The following IPCEF1 variants were observed in gnomAD, a reference collection of about 807,000 sequenced individuals.
IPCEF1 encodes the protein interaction protein for cytohesin exchange factors 1, also known as interactor protein for cytohesin exchange factors 1.
IPCEF1 carries 31 observed loss-of-function variants against 50.9 expected under a neutral mutation model. The ratio of observed to expected loss-of-function variants is 0.61; its 90% CI spans 0.46 to 0.82. The LOEUF (loss-of-function observed/expected upper bound fraction) is 0.82. Among genes scored for constraint, IPCEF1 ranks in the 40% least tolerant of loss-of-function variants. The pLI, the probability that IPCEF1 is intolerant of heterozygous loss-of-function variation, is 0.00. For synonymous variants in IPCEF1, 181 were observed against 192.0 expected, an observed-to-expected ratio of 0.94 and a Z score of 0.47; for missense variants, 458 against 514.0, an observed-to-expected ratio of 0.89 and a Z score of 1.05.
chr6:154,210,943 TTTAA>T (rs1777908817), intron 9 of IPCEF1, among the ~76,000 whole-genome samples: 1 of 152,202 alleles, frequency 6.6e-6, no homozygotes, highest in Non-Finnish European at 1.5e-5. Context: ...GAGGTCATTA[TTTAA>T]ATAATCAATA....
chr6:154,236,239 G>A (rs1203385516), intron 5 of IPCEF1, among the ~76,000 whole-genome samples: 1 of 152,228 alleles, frequency 6.6e-6, no homozygotes, highest in Non-Finnish European at 1.5e-5. Context: ...TCTGAGACCT[G>A]CTACCACATG....
chr6:154,320,680 G>A (rs1005321668), intron 1 of IPCEF1, among the ~76,000 whole-genome samples: 16 of 152,120 alleles, frequency 1.1e-4, no homozygotes, highest in African/African-American at 3.4e-4. Context: ...CCAATTGTGC[G>A]TGAATGAAGT....
chr6:154,188,095 T>C (rs1480121894), intron 10 of IPCEF1, among the ~76,000 whole-genome samples: 1 of 152,196 alleles, frequency 6.6e-6, no homozygotes, highest in East Asian at 1.9e-4. Flanking sequence ...TTTGTAGAAA[T>C]ATGATCATAT....
intron 6 of IPCEF1, 68 bp downstream of exon 6, chr6:154,223,102 C>A: frequency 8.3e-7 from 1 of 1,202,940 alleles, no homozygotes. Flanking sequence ...TCACCATATC[C>A]CTTGGTGAAC....
rs1402868949 is a variant in IPCEF1, at chr6:154,180,408, A to AT, written c.911-12296dup. ...CAACTATATATATATATATATATAT[A>AT]TATATATTTTTTTTTTAAACATGAT... On this transcript the variant is annotated intron_variant, in intron 10 of 11. Coordinates refer to ENST00000367220, the MANE Select transcript of IPCEF1 (RefSeq NM_001130700.2). 2.0e-3 allele frequency among the ~76,000 whole-genome samples: 79 copies of AT among 39,508 alleles called. 1 individual carries two copies. Among genetic ancestry groups the AT allele is most frequent in the South Asian group, 0.01 (13 of 1,240 alleles). The allele number at this position is 39,508 out of a possible 152,430, so 25.9% of individuals were successfully genotyped here. A position where few individuals can be genotyped will look rare whatever the true frequency, so the allele number is the denominator to read the frequency against.
At chr6:154,267,139 TA>T (rs1333919010) in intron 2 of IPCEF1, among the ~76,000 whole-genome samples, 3 of 18,462 alleles carry the variant, frequency 1.6e-4, no homozygotes, top group African/African-American at 3.7e-4. Context: ...ACTTATTTCT[TA>T]AAAAAAAATT....
rs534855665 is a variant in IPCEF1 at position 154,346,241 on chromosome 6, G to T, written c.-62+10431C>A. On this transcript the variant is annotated intron_variant, in intron 1 of 11. Transcript: ENST00000367220. ...AAAATGTTAACTATAATTATTTCAAGGTTATAGGATCATGAAAAGTATTTA... is the reference window on the plus strand; with the variant it reads ...AAAATGTTAACTATAATTATTTCAATGTTATAGGATCATGAAAAGTATTTA... Among the ~76,000 whole-genome samples the T allele has an allele frequency of 3.4e-5, 5 of 149,250 alleles. No homozygotes were observed. In the South Asian group the frequency reaches 1.0e-3, roughly 31 times the overall value.
At chr6:154,166,063 G>A (rs2128552241) in intron 11 of IPCEF1, among the ~76,000 whole-genome samples, 1 of 152,362 alleles carries the variant, frequency 6.6e-6, no homozygotes, top group Admixed American at 6.5e-5. Flanking sequence ...AGAGACCTGG[G>A]GGCAGAGGCA....
At chr6:154,229,101 C>G (rs1779499623) in intron 5 of IPCEF1, among the ~76,000 whole-genome samples, 1 of 152,170 alleles carries the variant, frequency 6.6e-6, no homozygotes, top group Admixed American at 6.5e-5. Context: ...CCAGGGGCGG[C>G]CCTCCCTTAC....
At chr6:154,172,656 AAGCTCGAACTGGGCGG>A in intron 10 of IPCEF1, among the ~76,000 whole-genome samples, 1 of 152,200 alleles carries the variant, frequency 6.6e-6, no homozygotes, top group East Asian at 1.9e-4. Context: ...AGCAGCAGGG[AAGCTCGAACTGGGCGG>A]AGCCCACTGC....
chr6:154,174,540 G>C (rs1472733500), intron 10 of IPCEF1, among the ~76,000 whole-genome samples: 1 of 152,030 alleles, frequency 6.6e-6, no homozygotes, highest in East Asian at 1.9e-4. Context: ...TGATAAAACA[G>C]ACTTTAAACC....
chr6:154,248,921 T>G (rs1781270432), intron 3 of IPCEF1, among the ~76,000 whole-genome samples: 1 of 152,010 alleles, frequency 6.6e-6, no homozygotes, highest in Admixed American at 6.6e-5. Context: ...CAGAAAAAAA[T>G]CATAATTTTT....
intron 9 of IPCEF1, among the ~76,000 whole-genome samples, chr6:154,206,446 A>G (rs1777502622): frequency 6.6e-6 from 1 of 152,236 alleles, no homozygotes; most frequent in African/African-American, 2.4e-5. Flanking sequence ...TGTCCATTAA[A>G]TGTTTATTTA....
intron 1 of IPCEF1, among the ~76,000 whole-genome samples, chr6:154,319,755 G>C (rs529455621): frequency 6.6e-6 from 1 of 152,238 alleles, no homozygotes; most frequent in East Asian, 1.9e-4. Context: ...AGATTAGCAA[G>C]ATCGTGTTTG....
intron 1 of IPCEF1, among the ~76,000 whole-genome samples, chr6:154,337,068 C>T (rs148778188): frequency 0.021 from 3,218 of 152,178 alleles, 61 homozygotes; most frequent in Non-Finnish European, 0.032. Context: ...CTGACTTGAT[C>T]CTCACACATT....
chr6:154,198,310 C>T (rs745839432), intron 10 of IPCEF1, among the ~76,000 whole-genome samples: 4 of 152,148 alleles, frequency 2.6e-5, no homozygotes, highest in East Asian at 1.9e-4. Flanking sequence ...AACCTGAGGG[C>T]GGGTTGAGAC....
At chr6:154,300,296 A>G (rs1163042182) in intron 1 of IPCEF1, among the ~76,000 whole-genome samples, 2 of 98,566 alleles carry the variant, frequency 2.0e-5, no homozygotes, top group Non-Finnish European at 5.0e-5. Flanking sequence ...ATTGAGAGAC[A>G]TGGCTTCCTT....
intron 5 of IPCEF1, among the ~76,000 whole-genome samples, chr6:154,229,193 G>A (rs190666497): frequency 6.6e-6 from 1 of 152,250 alleles, no homozygotes; most frequent in African/African-American, 2.4e-5. Flanking sequence ...GGAAATAACT[G>A]TGTTGTTCAT....
chr6:154,240,252 C>T (rs1209880553), intron 5 of IPCEF1, among the ~76,000 whole-genome samples: 3 of 152,100 alleles, frequency 2.0e-5, no homozygotes, highest in East Asian at 1.9e-4. Context: ...TGCTCTGTAC[C>T]TGCCAACTTC....
Sources: gnomAD v4.1 joint callset for allele counts (sites outside exome capture counted in the v4.1 genomes callset) on GRCh38, gnomAD v4.1.1 for gene constraint, MANE v1.5 for transcripts, NCBI Gene and HGNC (gene_info 2026-07-23, HGNC 2026-07-21) for gene names.